The following PTPRZ1 variants were observed in gnomAD, a reference collection of about 807,000 sequenced individuals.
PTPRZ1 encodes the protein protein tyrosine phosphatase receptor type Z1.
A neutral mutation model predicts 214.1 loss-of-function variants in PTPRZ1; 82 were observed. The observed-to-expected ratio is 0.38, with a 90% CI of 0.32 to 0.46. The LOEUF (loss-of-function observed/expected upper bound fraction) is 0.46, where lower values mean the gene tolerates loss of function less well. Ranked by LOEUF, PTPRZ1 falls within the 20% of genes least tolerant of loss-of-function variation. PTPRZ1 has a pLI of 1.00. For synonymous variants in PTPRZ1, 945 were observed against 987.9 expected (o/e 0.96, Z 0.81); for missense variants, 2,603 against 2,748.7 (o/e 0.95, Z 1.19).
At chr7:121,914,204 G>C (rs1379817114) in intron 1 of PTPRZ1, among the ~76,000 whole-genome samples, 1 of 152,000 alleles carries the variant, frequency 6.6e-6, no homozygotes, top group Admixed American at 6.6e-5. Context: ...TTTAGCTGTG[G>C]GTTGCTACAC....
chr7:121,925,270 A>G (rs1192273202), intron 1 of PTPRZ1, among the ~76,000 whole-genome samples: 1 of 152,202 alleles, frequency 6.6e-6, no homozygotes, highest in Non-Finnish European at 1.5e-5. Context: ...TTCATTTGTA[A>G]TAAAGAAACT....
Position 121,983,581 on chromosome 7 carries a change from C to T in PTPRZ1, c.620-84C>T, listed in dbSNP as rs1044708904. Reference sequence around the variant, plus strand: ...AGTTTTGATTAAATACATAACAAAGCATGTGTCTCTGTTTCATAGAAGTTT... The same window carrying T: ...AGTTTTGATTAAATACATAACAAAGTATGTGTCTCTGTTTCATAGAAGTTT... On this transcript the variant is annotated intron_variant, in intron 6 of 29. Coordinates refer to ENST00000393386, the MANE Select transcript of PTPRZ1 (RefSeq NM_002851.3). 4.1e-6 allele frequency: 5 copies of T among 1,229,014 alleles called. No homozygotes were observed. In the African/African-American group the frequency reaches 6.1e-5, roughly 15 times the overall value. The allele number at this position is 1,229,014 out of a possible 1,614,324, so 76.1% of individuals were successfully genotyped here.
intron 5 of PTPRZ1, 67 bp downstream of exon 5, chr7:121,976,335 A>G (rs1797433515): frequency 1.0e-6 from 1 of 990,296 alleles, no homozygotes; most frequent in East Asian, 2.6e-5. Context: ...GACGTGAAAT[A>G]TCAAGACATA....
intron 1 of PTPRZ1, among the ~76,000 whole-genome samples, chr7:121,889,474 A>G (rs1378533766): frequency 6.6e-6 from 1 of 152,214 alleles, no homozygotes; most frequent in African/African-American, 2.4e-5. Context: ...TCCATTCATA[A>G]TTGAAACATT....
chr7:121,963,136 G>A (rs141607512), intron 2 of PTPRZ1, among the ~76,000 whole-genome samples: 1 of 152,324 alleles, frequency 6.6e-6, no homozygotes, highest in Non-Finnish European at 1.5e-5. Flanking sequence ...GTTGACAGCT[G>A]AAGTGATACC....
rs1792575645 is a variant in PTPRZ1 at position 122,061,465 on chromosome 7, G to T, written c.*245G>T. ...TTACAGTATTTCTAAGAATGGAATT[G>T]TGGTATTTTTTTCTGTATTGATTTT... On this transcript the variant is annotated 3_prime_UTR_variant, in exon 30 of 30. Coordinates refer to ENST00000393386, the MANE Select transcript of PTPRZ1 (RefSeq NM_002851.3). 3.7e-6 allele frequency: 1 copy of T among 270,646 alleles called. No homozygotes were observed. The highest frequency in any genetic ancestry group is 5.4e-5 in the Admixed American group (1 of 18,628). The allele number at this position is 270,646 out of a possible 1,614,324, so 16.8% of individuals were successfully genotyped here.
intron 8 of PTPRZ1, among the ~76,000 whole-genome samples, chr7:121,988,230 A>C (rs756407572): frequency 5.3e-5 from 8 of 152,246 alleles, no homozygotes; most frequent in Non-Finnish European, 1.2e-4. Flanking sequence ...TTGCCAAAAC[A>C]TATCCCCTTC....
Position 121,995,171 on chromosome 7 carries a change from A to T in PTPRZ1, c.929-1211A>T, listed in dbSNP as rs1798095009. On this transcript the variant is annotated intron_variant, in intron 8 of 29. Coordinates refer to ENST00000393386, the MANE Select transcript of PTPRZ1 (RefSeq NM_002851.3). ...GGTGCCCTCCGGTGTTCATGAGGTG[A>T]ACTGCAAACTAGCAGAGACAAGTCA... is the stretch of plus-strand genomic sequence containing the variant. 2.6e-5 allele frequency among the ~76,000 whole-genome samples: 4 copies of T among 152,278 alleles called. No homozygotes were observed. In the South Asian group the frequency reaches 8.3e-4, roughly 32 times the overall value.
chr7:122,020,901 T>C (rs1798997310), intron 13 of PTPRZ1, among the ~76,000 whole-genome samples: 1 of 152,154 alleles, frequency 6.6e-6, no homozygotes, highest in African/African-American at 2.4e-5. Flanking sequence ...TAAATGTGTG[T>C]TCAACAAAAA....
chr7:121,893,518 T>TTACAGA (rs1340200642), intron 1 of PTPRZ1, among the ~76,000 whole-genome samples: 1 of 152,234 alleles, frequency 6.6e-6, no homozygotes, highest in African/African-American at 2.4e-5. Context: ...TGTATTCCCT[T>TTACAGA]TACAGATACA....
chr7:121,978,454 G>A (rs994931740), intron 6 of PTPRZ1, among the ~76,000 whole-genome samples: 1 of 152,176 alleles, frequency 6.6e-6, no homozygotes, highest in Non-Finnish European at 1.5e-5. Flanking sequence ...AAAGCAAAGG[G>A]TAAGCAAGGC....
At chr7:121,894,030 A>G (rs1037442820) in intron 1 of PTPRZ1, among the ~76,000 whole-genome samples, 2 of 152,202 alleles carry the variant, frequency 1.3e-5, no homozygotes, top group Non-Finnish European at 2.9e-5. Flanking sequence ...ACTCAGATCT[A>G]TGTCTGAATT....
intron 8 of PTPRZ1, among the ~76,000 whole-genome samples, chr7:121,986,640 A>C (rs1797769774): frequency 6.6e-6 from 1 of 152,148 alleles, no homozygotes. Flanking sequence ...ACAGAATTTC[A>C]CATCCCTGCT....
intron 2 of PTPRZ1, among the ~76,000 whole-genome samples, chr7:121,934,228 A>G (rs1229772835): frequency 6.6e-6 from 1 of 152,178 alleles, no homozygotes; most frequent in African/African-American, 2.4e-5. Flanking sequence ...AATTTTAGCA[A>G]GAAGGGCAAA....
rs1792580127 is a variant in PTPRZ1, at chr7:122,061,619, A to G, written c.*399A>G. 6.5e-6 allele frequency: 1 copy of G among 153,596 alleles called. No homozygotes were observed. The highest frequency in any genetic ancestry group is 2.1e-4 in the South Asian group (1 of 4,860). 9.5% of individuals were successfully genotyped at this position (153,596 alleles called of 1,614,324 possible). ...CTAGAAATATAACTTTTAATACAGT[A>G]GCCTGTAAATAAAACACTCTTCCAT... On this transcript the variant is annotated 3_prime_UTR_variant, in exon 30 of 30. Transcript: ENST00000393386.
rs1793932278 is a variant in PTPRZ1 at position 121,873,224 on chromosome 7, G to T, written c.-276G>T. ...CCGCACGCCGGAGGACATGCGCCTC[G>T]GCTAGCGGCCCCGGGCCCCACCACC... is the stretch of plus-strand genomic sequence containing the variant. On this transcript the variant is annotated 5_prime_UTR_variant, in exon 1 of 30. Transcript: ENST00000393386. The T allele has an allele frequency of 2.4e-6, 1 of 424,810 alleles. No individual in the cohort carries two copies. Among genetic ancestry groups the T allele is most frequent in the Non-Finnish European group, 4.2e-6 (1 of 240,916 alleles). The allele number at this position is 424,810 out of a possible 1,614,324, so 26.3% of individuals were successfully genotyped here.
intron 6 of PTPRZ1, among the ~76,000 whole-genome samples, chr7:121,981,019 A>G (rs1374162676): frequency 3.9e-5 from 6 of 152,020 alleles, no homozygotes; most frequent in African/African-American, 7.2e-5. Flanking sequence ...GCAGGCGCCT[A>G]TAGTCCCAGC....
chr7:121,999,102 C>G (rs1240367778), intron 10 of PTPRZ1, among the ~76,000 whole-genome samples: 1 of 152,094 alleles, frequency 6.6e-6, no homozygotes, highest in Non-Finnish European at 1.5e-5. Context: ...TAGTATGCAT[C>G]ATTCCAAACT....
rs182218825 is a variant in PTPRZ1, at chr7:121,929,739, C to T, written c.124+1518C>T. ...AGGAGAATTGCTTGAACCCAGGAGG[C>T]GGAGGTTGCAGTGAGCCGAGATCAC... On this transcript the variant is annotated intron_variant, in intron 2 of 29. Transcript: ENST00000393386. 7.8e-4 allele frequency among the ~76,000 whole-genome samples: 118 copies of T among 151,144 alleles called. 1 individual carries two copies. The highest frequency in any genetic ancestry group is 7.1e-3 in the Admixed American group (107 of 15,150).
Sources: allele counts gnomAD v4.1 joint callset (sites outside exome capture counted in the v4.1 genomes callset), GRCh38; gene constraint gnomAD v4.1.1; transcripts MANE v1.5; gene names NCBI Gene and HGNC (gene_info 2026-07-23, HGNC 2026-07-21).